INPP5F: variants seen among roughly 807,000 people sequenced by gnomAD.
INPP5F encodes phosphatidylinositide 4-phosphatase SAC2.
INPP5F carries 97 observed loss-of-function variants against 137.2 expected under a neutral mutation model. The observed-to-expected ratio is 0.71, with a 90% CI of 0.60 to 0.84. The LOEUF (loss-of-function observed/expected upper bound fraction) is 0.84. Ranked by LOEUF, INPP5F falls within the 40% of genes least tolerant of loss-of-function variation. The pLI, the probability that INPP5F is intolerant of heterozygous loss-of-function variation, is 0.00. For synonymous variants in INPP5F, 504 were observed against 476.9 expected (o/e 1.06, Z -0.74); for missense variants, 1,271 against 1,371.9 (o/e 0.93, Z 1.16).
chr10:119,754,593 A>T (rs930094091), intron 2 of INPP5F, among the ~76,000 whole-genome samples: 1 of 151,968 alleles, frequency 6.6e-6, no homozygotes, highest in Non-Finnish European at 1.5e-5. Flanking sequence ...ATCCTTGGAC[A>T]TTTTTTTTCC....
At chr10:119,781,825 A>G in intron 3 of INPP5F, 54 bp downstream of exon 3, 6 of 1,437,640 alleles carry the variant, frequency 4.2e-6, no homozygotes, top group Non-Finnish European at 5.7e-6. Context: ...GTAATAGCAA[A>G]TATGAGGATT....
chr10:119,732,025 G>A (rs374446345), intron 1 of INPP5F, among the ~76,000 whole-genome samples: 1 of 138,724 alleles, frequency 7.2e-6, no homozygotes, highest in Non-Finnish European at 1.5e-5. Context: ...TTAAATAAAA[G>A]AAGACAAGTG....
At chr10:119,749,483 T>C (rs2134121981) in intron 1 of INPP5F, among the ~76,000 whole-genome samples, 1 of 152,356 alleles carries the variant, frequency 6.6e-6, no homozygotes, top group Non-Finnish European at 1.5e-5. Context: ...ATGATTTTTT[T>C]TCTTTGATTT....
chr10:119,825,165 G>C (rs1851710623), intron 19 of INPP5F, among the ~76,000 whole-genome samples: 1 of 152,152 alleles, frequency 6.6e-6, no homozygotes, highest in African/African-American at 2.4e-5. Context: ...AATTTTGGTT[G>C]CTAAGCATTT....
intron 19 of INPP5F, 137 bp downstream of exon 19, chr10:119,824,039 T>C: frequency 1.7e-6 from 1 of 605,806 alleles, no homozygotes; most frequent in South Asian, 2.2e-5. Flanking sequence ...GGATCAAATT[T>C]CTGCAGATCA....
rs548906822 is a variant in INPP5F, at chr10:119,820,988, C to T, written c.1958+71C>T. ...TTGAGTAAATTTTCTTTTTAGAATT[C>T]GTAACAAAAAAATGTGAGAATATGG... On this transcript the variant is annotated intron_variant, in intron 16 of 19. Coordinates refer to ENST00000650623, the MANE Select transcript of INPP5F (RefSeq NM_014937.4). The T allele has an allele frequency of 6.3e-5, 61 of 970,496 alleles. 1 individual carries two copies. The highest frequency in any genetic ancestry group is 5.3e-4 in the South Asian group (39 of 74,212). 60.1% of individuals were successfully genotyped at this position (970,496 alleles called of 1,614,324 possible).
intron 15 of INPP5F, among the ~76,000 whole-genome samples, chr10:119,818,007 A>G (rs1017416185): frequency 6.6e-6 from 1 of 152,250 alleles, no homozygotes; most frequent in Non-Finnish European, 1.5e-5. Context: ...GCAGGGAAGT[A>G]GGCCTGGCTG....
chr10:119,827,014 C>G lies in INPP5F; in HGVS notation c.2633C>G (p.Ser878Ter). The change falls in exon 20 of 20, where the codon TCA becomes TGA. Residue 878 changes from serine to a stop codon, truncating the protein, a stop_gained. Transcript: ENST00000650623. LOFTEE classifies it high-confidence loss of function. ...KSDEDRQLAN[S>*]LESVGPIDYV... ...GATGAAGACAGGCAGCTAGCTAACTCATTAGAGAGTGTAGGGCCAATAGAT... is the reference window on the plus strand; with the variant it reads ...GATGAAGACAGGCAGCTAGCTAACTGATTAGAGAGTGTAGGGCCAATAGAT... 6.2e-7 allele frequency: 1 copy of G among 1,614,128 alleles called. No homozygotes were observed. Among genetic ancestry groups the G allele is most frequent in the East Asian group, 2.2e-5 (1 of 44,878 alleles).
rs1422459849 is a variant in INPP5F at position 119,787,280 on chromosome 10, A to T, written c.316-4237A>T. ...TGTTTCAAGCCCAGGATGAGGGTAG[A>T]TAAAAGAAATAAAAATAGAAAAGAC... On this transcript the variant is annotated intron_variant, in intron 3 of 19. Coordinates refer to ENST00000650623, the MANE Select transcript of INPP5F (RefSeq NM_014937.4). This position sits in a 1 kb window ranked among gnomAD's most constrained non-coding sequence, Gnocchi z 4.1. Among the ~76,000 whole-genome samples, 4 of 152,128 alleles carry T rather than the reference A, an allele frequency of 2.6e-5. No homozygotes were observed. The highest frequency in any genetic ancestry group is 2.6e-4 in the Admixed American group (4 of 15,264).
At position 119,826,702 on chromosome 10, in the gene INPP5F, A is replaced by C. The variant is rs754272559; in HGVS notation, c.2321A>C (p.Lys774Thr). The C allele has an allele frequency of 1.9e-6, 3 of 1,612,698 alleles. 1 individual carries two copies. The South Asian group carries it at 3.3e-5, about 18-fold the overall frequency. Residue 774 changes from lysine to threonine, a missense_variant, in exon 20 of 20, where the codon AAG becomes ACG. Physicochemically the swap from Lys to Thr is moderately conservative, Grantham distance 78. Transcript: ENST00000650623. ...AACCAAGGTTCTTTGGCCCAGGGAA[A>C]GAATTTTTTAATGAGCAAATTTTCA... ...SQNQGSLAQG[K>T]NFLMSKFSSL...
chr10:119,747,387 A>C (rs1848567555), intron 1 of INPP5F, among the ~76,000 whole-genome samples: 2 of 151,628 alleles, frequency 1.3e-5, no homozygotes, highest in African/African-American at 2.4e-5. Context: ...ACGCCCAGCT[A>C]ATTTTTTGTG....
intron 12 of INPP5F, among the ~76,000 whole-genome samples, chr10:119,806,853 G>C (rs1412662226): frequency 6.6e-6 from 1 of 151,430 alleles, no homozygotes; most frequent in Non-Finnish European, 1.5e-5. Context: ...TGTTGCCCAG[G>C]CTGTTGGGGA....
chr10:119,734,347 A>G (rs576792129), intron 1 of INPP5F, among the ~76,000 whole-genome samples: 1 of 152,298 alleles, frequency 6.6e-6, no homozygotes, highest in East Asian at 1.9e-4. Flanking sequence ...CATTGCCAAC[A>G]CATGTTTCTT....
intron 2 of INPP5F, 35 bp from the exon 3 acceptor site, chr10:119,781,600 A>G (rs1030912712): frequency 2.3e-5 from 36 of 1,567,744 alleles, no homozygotes; most frequent in Non-Finnish European, 3.0e-5. Flanking sequence ...AGCACTCTAA[A>G]AACGCCAGAC....
At chr10:119,825,715 A>G (rs544981351) in intron 19 of INPP5F, among the ~76,000 whole-genome samples, 35 of 152,352 alleles carry the variant, frequency 2.3e-4, no homozygotes, top group Non-Finnish European at 2.2e-4. Flanking sequence ...TTCATATTTA[A>G]AAAGTGTGGC....
At chr10:119,796,003 G>T (rs1203337075) in intron 6 of INPP5F, among the ~76,000 whole-genome samples, 2 of 149,272 alleles carry the variant, frequency 1.3e-5, no homozygotes, top group East Asian at 2.0e-4. Context: ...AGGCAGGGAG[G>T]TTGCAGTGAG....
chr10:119,743,871 A>G (rs1848448754), intron 1 of INPP5F, among the ~76,000 whole-genome samples: 1 of 152,224 alleles, frequency 6.6e-6, no homozygotes, highest in African/African-American at 2.4e-5. Flanking sequence ...AAAACCAGTT[A>G]TTACGTCCTG....
intron 19 of INPP5F, among the ~76,000 whole-genome samples, chr10:119,826,226 G>A (rs1236400188): frequency 6.6e-6 from 1 of 152,216 alleles, no homozygotes; most frequent in African/African-American, 2.4e-5. Flanking sequence ...ACCACATGTG[G>A]TTGTGAAGCC....
chr10:119,820,341 C>G (rs952111008), intron 15 of INPP5F, among the ~76,000 whole-genome samples: 1 of 152,168 alleles, frequency 6.6e-6, no homozygotes, highest in African/African-American at 2.4e-5. Context: ...GCAAAAGTAG[C>G]TTGGACTTGT....
Sources: gnomAD v4.1 joint callset for allele counts (sites outside exome capture counted in the v4.1 genomes callset) on GRCh38, gnomAD v4.1.1 for gene constraint, Gnocchi (gnomAD v3.1) non-coding constraint, MANE v1.5 for transcripts, NCBI Gene and HGNC (gene_info 2026-07-23, HGNC 2026-07-21) for gene names.